The following STIM1 variants were observed in gnomAD, a reference collection of about 807,000 sequenced individuals.
The protein encoded by STIM1 is stromal interaction molecule 1.
Under a neutral mutation model 74.7 loss-of-function variants are expected in STIM1, and 25 were observed. The observed-to-expected ratio is 0.33, with a 90% CI of 0.24 to 0.47. The LOEUF (loss-of-function observed/expected upper bound fraction) is 0.47, where lower values mean the gene tolerates loss of function less well. Ranked by LOEUF, STIM1 falls within the 20% of genes least tolerant of loss-of-function variation. The pLI is 1.00. For missense variants in STIM1, 728 were observed against 920.8 expected (o/e 0.79, Z 2.71); for synonymous variants, 328 against 348.8 (o/e 0.94, Z 0.66).
intron 1 of STIM1, among the ~76,000 whole-genome samples, chr11:3,866,404 C>T (rs1341390288): frequency 3.3e-5 from 5 of 151,580 alleles, no homozygotes; most frequent in African/African-American, 9.7e-5. Context: ...ACCCTGCTTA[C>T]GCCACAAGAG....
At chr11:4,058,216 C>G (rs1396198836) in intron 4 of STIM1, among the ~76,000 whole-genome samples, 5 of 152,168 alleles carry the variant, frequency 3.3e-5, no homozygotes, top group African/African-American at 7.2e-5. Context: ...AACTGAGGTC[C>G]TCGGGGAGGA....
chr11:4,044,840 C>T (rs2094177739), intron 3 of STIM1, among the ~76,000 whole-genome samples: 1 of 152,164 alleles, frequency 6.6e-6, no homozygotes, highest in Non-Finnish European at 1.5e-5. Context: ...CAGTGGTTCT[C>T]AGCTGGGGGC....
At chr11:3,927,268 A>G (rs1179637818) in intron 1 of STIM1, among the ~76,000 whole-genome samples, 1 of 152,238 alleles carries the variant, frequency 6.6e-6, no homozygotes, top group Non-Finnish European at 1.5e-5. Context: ...AGTCTACCTC[A>G]GGAAGTAGAA....
intron 2 of STIM1, among the ~76,000 whole-genome samples, chr11:4,014,938 G>C (rs773160208): frequency 6.6e-6 from 1 of 152,146 alleles, no homozygotes; most frequent in Non-Finnish European, 1.5e-5. Context: ...TTGAGCCTAT[G>C]TGTGTCTTTA....
intron 2 of STIM1, chr11:3,973,290 C>G: frequency 2.1e-6 from 1 of 475,532 alleles, no homozygotes; most frequent in Non-Finnish European, 4.1e-6. Flanking sequence ...ACGACCATCA[C>G]CAGAGTTTCC....
At chr11:4,059,131 G>C (rs1477606979) in intron 4 of STIM1, 150 bp from the exon 5 acceptor site, 13 of 803,684 alleles carry the variant, frequency 1.6e-5, no homozygotes, top group Non-Finnish European at 2.7e-5. Flanking sequence ...ACCCTGTTGA[G>C]ACCCAACTGG....
intron 1 of STIM1, among the ~76,000 whole-genome samples, chr11:3,955,732 T>G (rs2135687927): frequency 6.6e-6 from 1 of 152,096 alleles, no homozygotes; most frequent in Middle Eastern, 3.4e-3. Context: ...GATACTGATT[T>G]AATTGGTCTG....
At chr11:3,990,256 C>A (rs1590626861) in intron 2 of STIM1, among the ~76,000 whole-genome samples, 1 of 152,120 alleles carries the variant, frequency 6.6e-6, no homozygotes, top group East Asian at 1.9e-4. Flanking sequence ...TACTTTATTT[C>A]TTTTCATGGG....
At chr11:3,971,460 C>A (rs545542983) in intron 2 of STIM1, among the ~76,000 whole-genome samples, 16 of 152,030 alleles carry the variant, frequency 1.1e-4, no homozygotes, top group African/African-American at 3.9e-4. Flanking sequence ...GCCTGGGAGG[C>A]GGAGCTTGCA....
chr11:3,986,727 G>A (rs1052424247), intron 2 of STIM1, among the ~76,000 whole-genome samples: 2 of 152,196 alleles, frequency 1.3e-5, no homozygotes, highest in African/African-American at 4.8e-5. Flanking sequence ...GAGACATCAA[G>A]TAGGGAAGTA....
chr11:4,041,148 T>C (rs1427535713), intron 3 of STIM1, among the ~76,000 whole-genome samples: 1 of 152,232 alleles, frequency 6.6e-6, no homozygotes, highest in East Asian at 1.9e-4. Context: ...AGCTGGGTTT[T>C]GTGATGCCTT....
At chr11:3,973,147 G>C (rs2093412640) in intron 2 of STIM1, 2 of 413,564 alleles carry the variant, frequency 4.8e-6, no homozygotes, top group Non-Finnish European at 9.5e-6. Flanking sequence ...TATAACCACT[G>C]TTGTTACCAA....
intron 1 of STIM1, among the ~76,000 whole-genome samples, chr11:3,937,479 A>G (rs538954716): frequency 1.3e-5 from 2 of 152,256 alleles, no homozygotes; most frequent in African/African-American, 4.8e-5. Context: ...AAAGAATCTT[A>G]TTGGCCTGCT....
At chr11:4,026,508 T>G (rs1327612457) in intron 3 of STIM1, among the ~76,000 whole-genome samples, 1 of 152,196 alleles carries the variant, frequency 6.6e-6, no homozygotes, top group Non-Finnish European at 1.5e-5. Context: ...ACTTCACAAG[T>G]TAAGTTCACA....
intron 3 of STIM1, among the ~76,000 whole-genome samples, chr11:4,026,036 C>T (rs2093995587): frequency 6.6e-6 from 1 of 152,142 alleles, no homozygotes; most frequent in Admixed American, 6.6e-5. Flanking sequence ...TAATTTGCTT[C>T]ATTATTCAGA....
rs541962788 is a variant in STIM1, at chr11:3,901,940, G to T, written c.139+45531G>T. The stretch of plus-strand genomic sequence containing the variant: ...GTGCCACGATGCCCAGCTAATTTTT[G>T]TATTTTTTGTAGAGACGGGGTTTTG... On this transcript the variant is annotated intron_variant, in intron 1 of 12. Coordinates refer to ENST00000526596, the MANE Select transcript of STIM1 (RefSeq NM_001382567.1). 3.9e-5 allele frequency among the ~76,000 whole-genome samples: 6 copies of T among 152,214 alleles called. No homozygotes were observed. In the South Asian group the frequency reaches 1.2e-3, roughly 32 times the overall value.
chr11:3,859,078 T>G (rs766987448), intron 1 of STIM1, among the ~76,000 whole-genome samples: 1 of 152,228 alleles, frequency 6.6e-6, no homozygotes, highest in African/African-American at 2.4e-5. Flanking sequence ...TTTTTTCTGC[T>G]CTGGAGAGTC....
At chr11:3,976,604 C>T (rs2093450604) in intron 2 of STIM1, among the ~76,000 whole-genome samples, 1 of 152,162 alleles carries the variant, frequency 6.6e-6, no homozygotes, top group Non-Finnish European at 1.5e-5. Context: ...TCAGTGAATA[C>T]TCGCTACTTT....
chr11:4,014,091 G>T (rs2093871131), intron 2 of STIM1, among the ~76,000 whole-genome samples: 1 of 152,022 alleles, frequency 6.6e-6, no homozygotes, highest in Non-Finnish European at 1.5e-5. Flanking sequence ...TCTTCTGCTA[G>T]CTCTTGAATT....
Sources: allele counts gnomAD v4.1 joint callset (sites outside exome capture counted in the v4.1 genomes callset), GRCh38; gene constraint gnomAD v4.1.1; transcripts MANE v1.5; gene names NCBI Gene and HGNC (gene_info 2026-07-23, HGNC 2026-07-21).